NPAS3: variants seen among roughly 807,000 people sequenced by gnomAD.
NPAS3 encodes the protein neuronal PAS domain-containing protein 3.
In NPAS3, 14 loss-of-function variants were observed where a neutral mutation model predicts 73.1. The ratio of observed to expected loss-of-function variants is 0.19; its 90% CI spans 0.13 to 0.30. The LOEUF (loss-of-function observed/expected upper bound fraction) is 0.30, where lower values mean the gene tolerates loss of function less well. Among genes scored for constraint, NPAS3 ranks in the 10% least tolerant of loss-of-function variants. NPAS3 has a pLI of 1.00. For synonymous variants in NPAS3, 620 were observed against 541.5 expected (o/e 1.14, Z -2.01); for missense variants, 1,096 against 1,250.0 (o/e 0.88, Z 1.86).
intron 3 of NPAS3, among the ~76,000 whole-genome samples, chr14:33,328,758 G>A (rs2043839953): frequency 1.3e-5 from 2 of 151,816 alleles, no homozygotes; most frequent in Admixed American, 1.3e-4. Context: ...GTTCCTTTGG[G>A]TTTTCCCAAT....
chr14:33,438,789 C>T (rs752494621), intron 4 of NPAS3, among the ~76,000 whole-genome samples: 9 of 152,138 alleles, frequency 5.9e-5, no homozygotes, highest in Non-Finnish European at 1.2e-4. Context: ...TCCCACAATA[C>T]GTAAAAATTT....
intron 4 of NPAS3, among the ~76,000 whole-genome samples, chr14:33,487,944 A>G (rs2051694670): frequency 6.6e-6 from 1 of 152,178 alleles, no homozygotes; most frequent in Non-Finnish European, 1.5e-5. Context: ...TTCCATGTCT[A>G]CAAGTGTATA....
At chr14:33,360,663 T>C (rs1039068692) in intron 3 of NPAS3, among the ~76,000 whole-genome samples, 12 of 152,244 alleles carry the variant, frequency 7.9e-5, no homozygotes, top group Non-Finnish European at 1.5e-4. Flanking sequence ...ACAATCATTG[T>C]TCTTCTGGAA....
chr14:33,125,064 G>T (rs1398385621), intron 2 of NPAS3, among the ~76,000 whole-genome samples: 1 of 151,874 alleles, frequency 6.6e-6, no homozygotes, highest in Admixed American at 6.6e-5. Context: ...AGAAATATGT[G>T]TTCTTTTTCC....
intron 5 of NPAS3, among the ~76,000 whole-genome samples, chr14:33,625,024 T>C (rs2058181984): frequency 6.6e-6 from 1 of 152,238 alleles, no homozygotes; most frequent in South Asian, 2.1e-4. Context: ...CAGTATGTTT[T>C]CTGTTTGACT....
chr14:33,650,741 CCTCTCTCTCT>C (rs10658218), intron 5 of NPAS3, among the ~76,000 whole-genome samples: 27 of 148,434 alleles, frequency 1.8e-4, no homozygotes, highest in African/African-American at 5.7e-4. Context: ...AAAATCTTTT[CCTCTCTCTCT>C]CTCTCTCTCT....
intron 4 of NPAS3, among the ~76,000 whole-genome samples, chr14:33,472,875 T>C (rs1310162435): frequency 6.6e-6 from 1 of 150,754 alleles, no homozygotes; most frequent in Non-Finnish European, 1.5e-5. Context: ...TATTTTACTT[T>C]CCAAAAGGAT....
chr14:33,092,778 C>G (rs768946370), intron 2 of NPAS3, among the ~76,000 whole-genome samples: 40 of 152,090 alleles, frequency 2.6e-4, no homozygotes, highest in Non-Finnish European at 2.8e-4. Context: ...GAGATCTAGA[C>G]CAATGGAACA....
At chr14:33,120,972 C>T (rs144765980) in intron 2 of NPAS3, among the ~76,000 whole-genome samples, 178 of 152,206 alleles carry the variant, frequency 1.2e-3, no homozygotes, top group African/African-American at 4.0e-3. Flanking sequence ...CCCTCCTGTT[C>T]GGTGATAATT....
In NPAS3 at chr14:33,641,258, T is replaced by C. The variant is rs183149397; in HGVS notation, c.559-34953T>C. Among the ~76,000 whole-genome samples the C allele has an allele frequency of 9.2e-5, 14 of 152,338 alleles. No homozygotes were observed. In the East Asian group the frequency reaches 2.1e-3, roughly 23 times the overall value. The stretch of plus-strand genomic sequence containing the variant: ...AGATCTTTCTTAGCCCTCTCTGTAG[T>C]AGTCAAGAAGGCTCATGATTTCTAA... On this transcript the variant is annotated intron_variant, in intron 5 of 11. Coordinates refer to ENST00000356141, the Ensembl canonical transcript of NPAS3.
intron 7 of NPAS3, among the ~76,000 whole-genome samples, chr14:33,755,375 C>T (rs565724795): frequency 6.6e-6 from 1 of 152,230 alleles, no homozygotes; most frequent in East Asian, 1.9e-4. Context: ...GAAGAAAAGC[C>T]ACTTTTAACA....
intron 2 of NPAS3, among the ~76,000 whole-genome samples, chr14:33,104,138 C>A (rs921288166): frequency 3.9e-5 from 6 of 152,132 alleles, no homozygotes; most frequent in Non-Finnish European, 8.8e-5. Flanking sequence ...TAGACTATTG[C>A]ATCTCCCTGT....
Position 33,321,369 on chromosome 14 carries a change from A to G in NPAS3, c.386-45817A>G, listed in dbSNP as rs17091716. Among the ~76,000 whole-genome samples the G allele has an allele frequency of 9.5e-3, 1,440 of 152,228 alleles. 86 individuals are homozygous for G. The East Asian group carries it at 0.15, about 16-fold the overall frequency. On this transcript the variant is annotated intron_variant, in intron 3 of 11. Coordinates refer to ENST00000356141, the Ensembl canonical transcript of NPAS3. The stretch of plus-strand genomic sequence containing the variant: ...GAAACAATGGGAAGTAGGGTGTTCC[A>G]GGTTATCTTTTTGGCTTTTTCAGTA...
intron 5 of NPAS3, among the ~76,000 whole-genome samples, chr14:33,578,796 A>G (rs1212887192): frequency 6.6e-6 from 1 of 152,212 alleles, no homozygotes; most frequent in Non-Finnish European, 1.5e-5. Context: ...TACTGGCCCA[A>G]TTTATTCATC....
chr14:33,335,750 T>C (rs1360332482), intron 3 of NPAS3, among the ~76,000 whole-genome samples: 4 of 152,292 alleles, frequency 2.6e-5, no homozygotes, highest in African/African-American at 4.8e-5. Flanking sequence ...ATGCCCCTTA[T>C]AGCATACTAC....
chr14:33,625,900 T>G (rs1476460254), intron 5 of NPAS3, among the ~76,000 whole-genome samples: 1 of 152,190 alleles, frequency 6.6e-6, no homozygotes, highest in African/African-American at 2.4e-5. Context: ...TAAACTTTAT[T>G]TTCTCCCTTT....
intron 4 of NPAS3, among the ~76,000 whole-genome samples, chr14:33,523,936 C>T (rs2053674806): frequency 6.6e-6 from 1 of 152,152 alleles, no homozygotes; most frequent in Non-Finnish European, 1.5e-5. Context: ...GTTATGGAGG[C>T]CCTTGAGTGT....
At chr14:33,547,210 T>G (rs1244055947) in intron 4 of NPAS3, among the ~76,000 whole-genome samples, 3 of 152,190 alleles carry the variant, frequency 2.0e-5, no homozygotes, top group African/African-American at 2.4e-5. Flanking sequence ...GGGAAGTCAC[T>G]TTTCAGGCTG....
At chr14:33,206,972 G>T (rs1476463938) in intron 2 of NPAS3, among the ~76,000 whole-genome samples, 1 of 152,086 alleles carries the variant, frequency 6.6e-6, no homozygotes, top group Non-Finnish European at 1.5e-5. Flanking sequence ...TCTTGTTGCT[G>T]TTAATGGAAG....
Sources: allele counts gnomAD v4.1 joint callset (sites outside exome capture counted in the v4.1 genomes callset), GRCh38; gene constraint gnomAD v4.1.1; transcripts MANE v1.5; gene names NCBI Gene and HGNC (gene_info 2026-07-23, HGNC 2026-07-21).